Variants in DIP2C observed in about 807,000 individuals in gnomAD.
DIP2C encodes disco-interacting protein 2 homolog C.
DIP2C carries 33 observed loss-of-function variants against 192.4 expected under a neutral mutation model. The ratio of observed to expected loss-of-function variants is 0.17; its 90% CI spans 0.13 to 0.23. The LOEUF is 0.23. DIP2C is among the 10% of genes least tolerant of loss of function. The pLI is 1.00. For missense variants in DIP2C, 1,537 were observed against 2,110.1 expected (o/e 0.73, Z 5.32); for synonymous variants, 979 against 864.1 (o/e 1.13, Z -2.33).
chr10:590,420 T>G (rs1281217978), intron 1 of DIP2C, among the ~76,000 whole-genome samples: 1 of 152,166 alleles, frequency 6.6e-6, no homozygotes, highest in East Asian at 1.9e-4. Flanking sequence ...CTCCCAGAGG[T>G]GACCCTGGTG....
At chr10:481,091 G>T (rs957095629) in intron 2 of DIP2C, among the ~76,000 whole-genome samples, 1 of 151,984 alleles carries the variant, frequency 6.6e-6, no homozygotes, top group Admixed American at 6.6e-5. Context: ...GCTGCCTTGG[G>T]GTCACCAGAC....
chr10:419,315 G>T, intron 5 of DIP2C, 116 bp from the exon 6 acceptor site: 2 of 1,475,692 alleles, frequency 1.4e-6, no homozygotes, highest in Non-Finnish European at 1.9e-6. Context: ...GGTGTGCCAT[G>T]GAAAGCCAGA....
chr10:433,628 A>G (rs945758545), intron 4 of DIP2C, among the ~76,000 whole-genome samples: 1 of 152,152 alleles, frequency 6.6e-6, no homozygotes, highest in African/African-American at 2.4e-5. Flanking sequence ...TTGCACTGAG[A>G]TAAGATCGGG....
chr10:275,585 C>G lies in DIP2C; in HGVS notation c.*1740G>C, dbSNP rs1034332556. 3 of 151,476 alleles carry G rather than the reference C, an allele frequency of 2.0e-5. No homozygotes were observed. Among genetic ancestry groups the G allele is most frequent in the Non-Finnish European group, 4.4e-5 (3 of 68,004 alleles). 9.4% of individuals were successfully genotyped at this position (151,476 alleles called of 1,614,324 possible). ...CATATAGCAAAGGCAGAGAAAGACG[C>G]TGCCCACAACATAATGAAAGATCAT... On this transcript the variant is annotated 3_prime_UTR_variant, in exon 37 of 37. Transcript: ENST00000280886.
chr10:574,747 CCAAA>C (rs1293296954), intron 1 of DIP2C, among the ~76,000 whole-genome samples: 4 of 152,202 alleles, frequency 2.6e-5, no homozygotes, highest in Non-Finnish European at 4.4e-5. Flanking sequence ...CATAATATTT[CCAAA>C]CACTCAATGC....
chr10:391,528 C>T (rs933966012), intron 10 of DIP2C, among the ~76,000 whole-genome samples: 1 of 152,240 alleles, frequency 6.6e-6, no homozygotes, highest in African/African-American at 2.4e-5. Flanking sequence ...AGACCTACGC[C>T]AGTCGTCACT....
Position 274,335 on chromosome 10 carries a change from G to A in DIP2C, c.*2990C>T, listed in dbSNP as rs1954409750. The A allele has an allele frequency of 1.3e-5, 2 of 152,266 alleles. No homozygotes were observed. Among genetic ancestry groups the A allele is most frequent in the South Asian group, 4.1e-4 (2 of 4,826 alleles). 9.4% of individuals were successfully genotyped at this position (152,266 alleles called of 1,614,324 possible). A position where few individuals can be genotyped will look rare whatever the true frequency, so the allele number is the denominator to read the frequency against. ...AACATTTTTCAAAGTATGATTATCT[G>A]TACTAAGTAATGCAACAAATTATGT... On this transcript the variant is annotated 3_prime_UTR_variant, in exon 37 of 37. Coordinates refer to ENST00000280886, the MANE Select transcript of DIP2C (RefSeq NM_014974.3).
intron 4 of DIP2C, among the ~76,000 whole-genome samples, chr10:425,356 CTAA>C (rs1483776862): frequency 7.2e-5 from 9 of 125,490 alleles, no homozygotes; most frequent in South Asian, 3.0e-4. Context: ...CCAGCGGTGA[CTAA>C]TATGACACGG....
chr10:591,347 A>T (rs533746204), intron 1 of DIP2C, among the ~76,000 whole-genome samples: 4 of 151,756 alleles, frequency 2.6e-5, no homozygotes, highest in African/African-American at 9.7e-5. Context: ...CTGGTCTCAA[A>T]CTCCTGACCT....
intron 1 of DIP2C, among the ~76,000 whole-genome samples, chr10:575,713 G>A (rs11253253): frequency 0.078 from 11,924 of 152,208 alleles, 665 homozygotes; most frequent in East Asian, 0.19. Context: ...CAGCACAGAG[G>A]AAGTCATAGG....
At chr10:424,589 C>A (rs1222947119) in intron 4 of DIP2C, among the ~76,000 whole-genome samples, 1 of 152,148 alleles carries the variant, frequency 6.6e-6, no homozygotes, top group Non-Finnish European at 1.5e-5. Flanking sequence ...TGGTCTCGAA[C>A]TCCTGACCTC....
chr10:589,559 A>T (rs1157112163), intron 1 of DIP2C, among the ~76,000 whole-genome samples: 1 of 152,114 alleles, frequency 6.6e-6, no homozygotes, highest in Non-Finnish European at 1.5e-5. Context: ...TTCCAGCACC[A>T]TTTGTTGAAA....
Position 366,800 on chromosome 10 carries a change from A to C in DIP2C, c.2132-389T>G, listed in dbSNP as rs115161666. On this transcript the variant is annotated intron_variant, in intron 18 of 36. Coordinates refer to ENST00000280886, the MANE Select transcript of DIP2C (RefSeq NM_014974.3). ...CTGCAAATCAAGCCTCTAATGTCTT[A>C]TGGAAATCTGAATCTTCGATTTCAC... is the stretch of plus-strand genomic sequence containing the variant. 6.8e-3 allele frequency among the ~76,000 whole-genome samples: 1,032 copies of C among 152,316 alleles called. 11 individuals carry two copies. The highest frequency in any genetic ancestry group is 0.023 in the African/African-American group (958 of 41,558).
At chr10:454,894 C>G (rs1459567312) in intron 3 of DIP2C, among the ~76,000 whole-genome samples, 1 of 152,172 alleles carries the variant, frequency 6.6e-6, no homozygotes, top group Non-Finnish European at 1.5e-5. Flanking sequence ...TTCTAGATTA[C>G]TATGTATATC....
intron 21 of DIP2C, 31 bp from the exon 22 acceptor site, chr10:362,722 A>C (rs368188953): frequency 2.7e-5 from 43 of 1,578,684 alleles, no homozygotes; most frequent in Non-Finnish European, 3.7e-5. Context: ...AAATCATGTT[A>C]TAAGAGGAAG....
chr10:514,536 C>T (rs893363451), intron 1 of DIP2C, among the ~76,000 whole-genome samples: 14 of 152,184 alleles, frequency 9.2e-5, no homozygotes, highest in Non-Finnish European at 1.3e-4. Flanking sequence ...TGGGCCTCAC[C>T]GCATGGCCGT....
At chr10:290,867 T>C (rs1955455896) in intron 32 of DIP2C, among the ~76,000 whole-genome samples, 1 of 152,184 alleles carries the variant, frequency 6.6e-6, no homozygotes, top group African/African-American at 2.4e-5. Context: ...TTTAGGACGT[T>C]TGAGATCCTG....
intron 17 of DIP2C, among the ~76,000 whole-genome samples, chr10:381,426 G>GGT (rs1962364531): frequency 6.6e-6 from 1 of 151,978 alleles, no homozygotes; most frequent in Admixed American, 6.5e-5. Context: ...TCGGTCCTTC[G>GGT]GTGTGTTGAG....
intron 1 of DIP2C, among the ~76,000 whole-genome samples, chr10:513,780 G>A (rs1402256697): frequency 6.6e-6 from 1 of 152,030 alleles, no homozygotes. Context: ...TCATGTGCAT[G>A]GCAATTTTAA....
Sources: gnomAD v4.1 joint callset for allele counts (sites outside exome capture counted in the v4.1 genomes callset) on GRCh38, gnomAD v4.1.1 for gene constraint, MANE v1.5 for transcripts, NCBI Gene and HGNC (gene_info 2026-07-23, HGNC 2026-07-21) for gene names.